The following ATP5MK variants were observed in gnomAD, a reference collection of about 807,000 sequenced individuals.
ATP5MK encodes the protein ATP synthase F(0) complex subunit k, mitochondrial.
Under a neutral mutation model 6.6 loss-of-function variants are expected in ATP5MK, and 5 were observed. The observed-to-expected ratio is 0.76, with a 90% CI of 0.40 to 1.60. The LOEUF (loss-of-function observed/expected upper bound fraction) is 1.60. ATP5MK is among the 40% of genes most tolerant of loss of function. The pLI is 0.02. For synonymous variants in ATP5MK, 30 were observed against 24.5 expected, an observed-to-expected ratio of 1.22 and a Z score of -0.66; for missense variants, 57 against 66.6, an observed-to-expected ratio of 0.86 and a Z score of 0.50.
In ATP5MK at chr10:103,392,464, A is replaced by T; in HGVS notation, c.-7T>A. 1 of 1,575,082 alleles carries T rather than the reference A, an allele frequency of 6.3e-7. No individual in the cohort carries two copies. Among genetic ancestry groups the T allele is most frequent in the African/African-American group, 1.4e-5 (1 of 72,368 alleles). ...CACTTTCTGGACCTGCCATGATTTC[A>T]ATCTTTTAAAAAAAGAAAGAAAGCA... On this transcript the variant is annotated splice_region_variant and 5_prime_UTR_variant, in exon 3 of 5. Coordinates refer to ENST00000369815, the MANE Select transcript of ATP5MK (RefSeq NM_001206427.2).
intron 2 of ATP5MK, chr10:103,394,263 C>G (rs2093423326): frequency 1.9e-6 from 1 of 532,628 alleles, no homozygotes; most frequent in Non-Finnish European, 3.9e-6. Flanking sequence ...GTCACCAGAA[C>G]AAGAGCTGAA....
At chr10:103,396,086 G>A (rs1475796661) in intron 1 of ATP5MK, 54 bp from the exon 2 acceptor site, 1 of 152,282 alleles carries the variant, frequency 6.6e-6, no homozygotes, top group Non-Finnish European at 1.5e-5. Flanking sequence ...GGGATCAGAA[G>A]CCCTAGTCCT....
At chr10:103,392,160 A>C in intron 4 of ATP5MK, 31 bp downstream of exon 4, 3 of 1,561,754 alleles carry the variant, frequency 1.9e-6, no homozygotes, top group Non-Finnish European at 2.6e-6. Flanking sequence ...AAAATGGCTA[A>C]ATTATAAAGG....
chr10:103,395,208 A>C (rs2133653533), intron 2 of ATP5MK, among the ~76,000 whole-genome samples: 1 of 152,336 alleles, frequency 6.6e-6, no homozygotes, highest in Non-Finnish European at 1.5e-5. Flanking sequence ...CTTTAGGGCA[A>C]AGATAAAGGA....
intron 4 of ATP5MK, among the ~76,000 whole-genome samples, chr10:103,391,865 G>T (rs2093415526): frequency 6.6e-6 from 1 of 152,036 alleles, no homozygotes; most frequent in Non-Finnish European, 1.5e-5. Flanking sequence ...GAATGCAGTG[G>T]CGTGATCTCG....
chr10:103,392,189 A>C lies in ATP5MK; in HGVS notation c.*3+2T>G, dbSNP rs760825895. The C allele has an allele frequency of 1.0e-5, 16 of 1,600,252 alleles. No homozygotes were observed. The South Asian group carries it at 1.8e-4, about 18-fold the overall frequency. ...ATAAAGGTTTAAATGTCAACTTCTT[A>C]CCATTTATGTTGCTTTCACAGCTGG... On this transcript the variant is annotated splice_donor_variant, in intron 4 of 4. Coordinates refer to ENST00000369815, the MANE Select transcript of ATP5MK (RefSeq NM_001206427.2). LOFTEE classifies it low-confidence loss of function (3UTR_SPLICE).
intron 2 of ATP5MK, chr10:103,394,418 T>C (rs777104193): frequency 1.0e-5 from 5 of 498,300 alleles, no homozygotes; most frequent in Non-Finnish European, 1.7e-5. Context: ...AAGAGGGAGA[T>C]ATCTGTCAGG....
intron 4 of ATP5MK, among the ~76,000 whole-genome samples, chr10:103,389,856 C>T (rs539032635): frequency 2.6e-5 from 4 of 151,980 alleles, no homozygotes; most frequent in East Asian, 3.9e-4. Flanking sequence ...CTCAGCCTCT[C>T]GAGTAGCTGG....
intron 4 of ATP5MK, among the ~76,000 whole-genome samples, chr10:103,390,399 C>T (rs942673153): frequency 5.9e-5 from 9 of 152,062 alleles, no homozygotes; most frequent in Non-Finnish European, 1.2e-4. Context: ...GAGGCTGAGG[C>T]GGGAGGGTCA....
intron 2 of ATP5MK, chr10:103,394,315 C>A (rs774451000): frequency 1.3e-5 from 7 of 534,178 alleles, no homozygotes; most frequent in South Asian, 9.8e-5. Flanking sequence ...ACCGACGCCA[C>A]GCCGAGTCGA....
At chr10:103,395,245 A>G (rs1217267870) in intron 2 of ATP5MK, among the ~76,000 whole-genome samples, 1 of 152,186 alleles carries the variant, frequency 6.6e-6, no homozygotes, top group Non-Finnish European at 1.5e-5. Context: ...TGCCCTTTGT[A>G]AGACTCCTAG....
chr10:103,394,349 G>A (rs752308702), intron 2 of ATP5MK: 3 of 532,658 alleles, frequency 5.6e-6, no homozygotes, highest in South Asian at 1.4e-5. Flanking sequence ...CGAGCCGGTC[G>A]AGGTCCGGTC....
At chr10:103,394,290 C>G (rs767749213) in intron 2 of ATP5MK, 2 of 533,774 alleles carry the variant, frequency 3.7e-6, no homozygotes, top group Non-Finnish European at 7.7e-6. Flanking sequence ...TATGCATGAC[C>G]GCCTATCTAC....
chr10:103,389,770 C>T (rs916737947), intron 4 of ATP5MK, among the ~76,000 whole-genome samples: 13 of 151,450 alleles, frequency 8.6e-5, no homozygotes, highest in Admixed American at 7.3e-4. Flanking sequence ...CTCGCTCTAT[C>T]CCCCAGGATG....
intron 2 of ATP5MK, chr10:103,394,364 T>C (rs2133651058): frequency 5.7e-6 from 3 of 530,182 alleles, no homozygotes; most frequent in Non-Finnish European, 1.2e-5. Context: ...CCGGTCGAGA[T>C]TGGTAGGCAG....
intron 4 of ATP5MK, among the ~76,000 whole-genome samples, chr10:103,390,703 A>G (rs1364818358): frequency 1.3e-5 from 2 of 151,650 alleles, no homozygotes; most frequent in African/African-American, 2.4e-5. Context: ...AGGCAGGAGA[A>G]TTGTTTGAAC....
chr10:103,391,659 C>T (rs2133646069), intron 4 of ATP5MK, among the ~76,000 whole-genome samples: 1 of 152,186 alleles, frequency 6.6e-6, no homozygotes, highest in South Asian at 2.1e-4. Context: ...AGGCGCCTGC[C>T]ACCACACCTG....
chr10:103,391,864 G>A (rs2093415516), intron 4 of ATP5MK, among the ~76,000 whole-genome samples: 1 of 152,018 alleles, frequency 6.6e-6, no homozygotes, highest in Non-Finnish European at 1.5e-5. Flanking sequence ...GGAATGCAGT[G>A]GCGTGATCTC....
At position 103,392,294 on chromosome 10, in the gene ATP5MK, AAG is replaced by A. The variant is rs1366238909; in HGVS notation, c.88-13_88-12del. 1.9e-6 allele frequency: 3 copies of A among 1,603,784 alleles called. No homozygotes were observed. The African/African-American group carries it at 4.0e-5, about 22-fold the overall frequency. On this transcript the variant is annotated splice_polypyrimidine_tract_variant and intron_variant, in intron 3 of 4. Transcript: ENST00000369815. ...TGTGGCCAGTACACACTGAGAAAGA[AAG>A]AAAAAAGTAAACAAGACTTGTTGTT...
Sources: gnomAD v4.1 joint callset for allele counts (sites outside exome capture counted in the v4.1 genomes callset) on GRCh38, gnomAD v4.1.1 for gene constraint, MANE v1.5 for transcripts, NCBI Gene and HGNC (gene_info 2026-07-23, HGNC 2026-07-21) for gene names.